DCLK1: variants seen among roughly 807,000 people sequenced by gnomAD.
The protein encoded by DCLK1 is doublecortin like kinase 1.
DCLK1 carries 16 observed loss-of-function variants against 86.2 expected under a neutral mutation model. That is an observed-to-expected ratio of 0.19 (90% confidence interval 0.13 to 0.28). DCLK1 has a LOEUF of 0.28. Among genes scored for constraint, DCLK1 ranks in the 10% least tolerant of loss-of-function variants. DCLK1 has a pLI of 1.00. For missense variants in DCLK1, 590 were observed against 940.2 expected (o/e 0.63, Z 4.87); for synonymous variants, 369 against 370.5 (o/e 1.00, Z 0.05).
chr13:35,909,615 G>A (rs77040221), intron 4 of DCLK1, among the ~76,000 whole-genome samples: 8 of 102,228 alleles, frequency 7.8e-5, no homozygotes, highest in South Asian at 3.7e-4. Context: ...GTGTGTGTGT[G>A]TGTGTGTGTG....
intron 4 of DCLK1, among the ~76,000 whole-genome samples, chr13:35,880,215 C>T (rs1431038564): frequency 6.6e-6 from 1 of 152,158 alleles, no homozygotes; most frequent in African/African-American, 2.4e-5. Context: ...TGGATTAGTA[C>T]CCATTGCTTA....
chr13:35,975,667 A>G (rs752089417), intron 3 of DCLK1, among the ~76,000 whole-genome samples: 2 of 151,678 alleles, frequency 1.3e-5, no homozygotes, highest in Non-Finnish European at 2.9e-5. Context: ...AGTTTTCCCT[A>G]GGAAATCTTG....
intron 3 of DCLK1, among the ~76,000 whole-genome samples, chr13:36,036,635 G>A (rs554162160): frequency 3.3e-5 from 5 of 151,288 alleles, no homozygotes; most frequent in East Asian, 1.9e-4. Flanking sequence ...GATCATATAC[G>A]GTATATATGA....
chr13:35,815,830 C>T (rs1185885321), intron 11 of DCLK1, among the ~76,000 whole-genome samples: 1 of 151,632 alleles, frequency 6.6e-6, no homozygotes, highest in Non-Finnish European at 1.5e-5. Context: ...AAAATTTATA[C>T]CTACATGTAA....
chr13:35,910,942 G>A (rs1306862101), intron 4 of DCLK1, among the ~76,000 whole-genome samples: 4 of 152,048 alleles, frequency 2.6e-5, no homozygotes, highest in Admixed American at 6.6e-5. Context: ...ATCTTACTTC[G>A]TGAAAAGTCA....
chr13:36,057,190 T>TC (rs1275805377), intron 3 of DCLK1, among the ~76,000 whole-genome samples: 2 of 152,120 alleles, frequency 1.3e-5, no homozygotes, highest in African/African-American at 4.8e-5. Flanking sequence ...GTAAACCACA[T>TC]CAGTGATATG....
intron 6 of DCLK1, chr13:35,846,434 C>T (rs1273373868): frequency 1.0e-6 from 1 of 985,192 alleles, no homozygotes; most frequent in East Asian, 1.1e-4. Flanking sequence ...ATATATAATA[C>T]AAACACTCAG....
intron 3 of DCLK1, among the ~76,000 whole-genome samples, chr13:36,000,404 G>A (rs1278238028): frequency 1.3e-5 from 2 of 152,126 alleles, no homozygotes; most frequent in Non-Finnish European, 2.9e-5. Flanking sequence ...CTAGGGGTCT[G>A]GCCACATCAG....
intron 4 of DCLK1, among the ~76,000 whole-genome samples, chr13:35,883,208 A>G (rs1873023576): frequency 6.6e-6 from 1 of 152,222 alleles, no homozygotes; most frequent in Non-Finnish European, 1.5e-5. Context: ...TTTGACCTCC[A>G]AACCTCATGT....
At chr13:35,922,669 C>T (rs548603588) in intron 4 of DCLK1, among the ~76,000 whole-genome samples, 1 of 152,228 alleles carries the variant, frequency 6.6e-6, no homozygotes, top group South Asian at 2.1e-4. Flanking sequence ...TGGAAGGGAA[C>T]GGATGGAGAT....
At chr13:36,085,955 T>C (rs139971180) in intron 3 of DCLK1, among the ~76,000 whole-genome samples, 44 of 152,304 alleles carry the variant, frequency 2.9e-4, no homozygotes, top group Non-Finnish European at 5.7e-4. Flanking sequence ...TACCCAATAA[T>C]AAAATAGATT....
In DCLK1 at chr13:35,805,647, T is replaced by C. The variant is rs1460282293; in HGVS notation, c.1944+52A>G. 3 of 1,553,062 alleles carry C rather than the reference T, an allele frequency of 1.9e-6. No homozygotes were observed. In the African/African-American group the frequency reaches 4.1e-5, roughly 21 times the overall value. On this transcript the variant is annotated intron_variant, in intron 15 of 16. Transcript: ENST00000360631. ...ATAACATTAGAAAATCTGCAACTGA[T>C]TTTTAAAAGGAATGTTAGGAGAGAA... is the stretch of plus-strand genomic sequence containing the variant.
At chr13:36,101,190 T>C (rs888252054) in intron 3 of DCLK1, among the ~76,000 whole-genome samples, 3 of 152,220 alleles carry the variant, frequency 2.0e-5, no homozygotes, top group Non-Finnish European at 2.9e-5. Flanking sequence ...TCTAACAGCA[T>C]GCACATGCAC....
rs886218026 is a variant in DCLK1 at position 35,853,818 on chromosome 13, AT to A, written c.1035+680del. On this transcript the variant is annotated intron_variant, in intron 6 of 16. Transcript: ENST00000360631. ...CCTTTGCCCCCTTCCCACTACTTTT[AT>A]TTTTGCCTTGGTATTACTGGAAAAG... Among the ~76,000 whole-genome samples, 90 of 151,612 alleles carry A rather than the reference AT, an allele frequency of 5.9e-4. 1 individual carries two copies. Among genetic ancestry groups the A allele is most frequent in the African/African-American group, 2.1e-3 (88 of 41,280 alleles).
chr13:35,798,058 A>G (rs2086847226), intron 15 of DCLK1, among the ~76,000 whole-genome samples: 1 of 152,156 alleles, frequency 6.6e-6, no homozygotes, highest in South Asian at 2.1e-4. Flanking sequence ...GTTTGAGGTT[A>G]GTAGTTTTTG....
At chr13:36,106,048 A>G (rs535600697) in intron 3 of DCLK1, among the ~76,000 whole-genome samples, 1 of 152,356 alleles carries the variant, frequency 6.6e-6, no homozygotes, top group East Asian at 1.9e-4. Flanking sequence ...TATCTTCAGT[A>G]CAGCAGTGGA....
At chr13:35,797,866 A>G (rs2086843805) in intron 15 of DCLK1, among the ~76,000 whole-genome samples, 1 of 152,182 alleles carries the variant, frequency 6.6e-6, no homozygotes, top group Admixed American at 6.5e-5. Context: ...AGGGACGTTA[A>G]AAACATAAAT....
At chr13:36,072,936 T>C (rs1481887789) in intron 3 of DCLK1, among the ~76,000 whole-genome samples, 1 of 152,210 alleles carries the variant, frequency 6.6e-6, no homozygotes, top group Non-Finnish European at 1.5e-5. Context: ...CAAGATCTCA[T>C]TATAATTCAT....
chr13:35,940,193 C>T (rs576826090), intron 4 of DCLK1, among the ~76,000 whole-genome samples: 4 of 148,952 alleles, frequency 2.7e-5, no homozygotes, highest in Non-Finnish European at 5.9e-5. Flanking sequence ...TGCACTCCAG[C>T]CTGGGTGACA....
Sources: gnomAD v4.1 joint callset for allele counts (sites outside exome capture counted in the v4.1 genomes callset) on GRCh38, gnomAD v4.1.1 for gene constraint, MANE v1.5 for transcripts, NCBI Gene and HGNC (gene_info 2026-07-23, HGNC 2026-07-21) for gene names.